SGCD: variants seen among roughly 807,000 people sequenced by gnomAD.
SGCD encodes delta-sarcoglycan.
SGCD carries 18 observed loss-of-function variants against 36.6 expected under a neutral mutation model. The observed-to-expected ratio is 0.49, with a 90% CI of 0.34 to 0.73. The LOEUF (loss-of-function observed/expected upper bound fraction) is 0.73. Among genes scored for constraint, SGCD ranks in the 30% least tolerant of loss-of-function variants. The probability of loss-of-function intolerance (pLI) is 0.01; values close to 1 mark genes in which losing one functional copy is unlikely to be tolerated. For missense variants in SGCD, 387 were observed against 346.7 expected, an observed-to-expected ratio of 1.12 and a Z score of -0.92; for synonymous variants, 133 against 130.6, an observed-to-expected ratio of 1.02 and a Z score of -0.12.
chr5:156,371,381 A>G (rs550963410), intron 3 of SGCD, among the ~76,000 whole-genome samples: 114 of 152,332 alleles, frequency 7.5e-4, no homozygotes, highest in Middle Eastern at 6.8e-3. Flanking sequence ...TTGATGAAGG[A>G]AACTCTGGGA....
chr5:156,471,593 A>G (rs1302205347), intron 3 of SGCD, among the ~76,000 whole-genome samples: 2 of 152,150 alleles, frequency 1.3e-5, no homozygotes, highest in African/African-American at 2.4e-5. Flanking sequence ...TAGGAAAAAG[A>G]AATTTATTTT....
chr5:155,733,638 T>TC, the SGCD span, among the ~76,000 whole-genome samples: 3 of 151,996 alleles, frequency 2.0e-5, no homozygotes, highest in Admixed American at 2.0e-4. Flanking sequence ...GGACACTTTT[T>TC]TTTTTTTGCC....
At chr5:155,846,446 T>C in the SGCD span, among the ~76,000 whole-genome samples, 1 of 152,216 alleles carries the variant, frequency 6.6e-6, no homozygotes, top group South Asian at 2.1e-4. Flanking sequence ...TGTTTGCTGA[T>C]GTGAACAGAT....
chr5:155,842,602 G>T, the SGCD span, among the ~76,000 whole-genome samples: 1 of 151,550 alleles, frequency 6.6e-6, no homozygotes, highest in Admixed American at 6.6e-5. Context: ...CTAAAATAAA[G>T]TTACTTTGAG....
At chr5:156,146,264 A>G (rs1350789719) in intron 3 of SGCD, among the ~76,000 whole-genome samples, 3 of 152,198 alleles carry the variant, frequency 2.0e-5, no homozygotes, top group Non-Finnish European at 4.4e-5. Context: ...AGGTTATGAC[A>G]TTGCATTCAA....
At chr5:155,755,939 C>G in the SGCD span, among the ~76,000 whole-genome samples, 1 of 152,136 alleles carries the variant, frequency 6.6e-6, no homozygotes, top group Non-Finnish European at 1.5e-5. Flanking sequence ...GAAAAGAAAT[C>G]AATAGAACTT....
At chr5:155,776,578 C>T in the SGCD span, among the ~76,000 whole-genome samples, 2 of 152,146 alleles carry the variant, frequency 1.3e-5, no homozygotes, top group Non-Finnish European at 2.9e-5. Flanking sequence ...TTAACCCTTA[C>T]TAGCTGAGTA....
chr5:155,865,628 G>T (rs1001340902), upstream of SGCD, among the ~76,000 whole-genome samples: 2 of 152,084 alleles, frequency 1.3e-5, no homozygotes, highest in African/African-American at 4.8e-5. Flanking sequence ...CTATGCTTAA[G>T]GTTGTAACAT....
At chr5:156,654,649 C>G (rs1763603924) in intron 7 of SGCD, among the ~76,000 whole-genome samples, 1 of 151,968 alleles carries the variant, frequency 6.6e-6, no homozygotes, top group Non-Finnish European at 1.5e-5. Flanking sequence ...TCCTAATATC[C>G]CTATGTGGCC....
At chr5:156,426,547 G>A (rs1773679056) in intron 3 of SGCD, among the ~76,000 whole-genome samples, 1 of 152,090 alleles carries the variant, frequency 6.6e-6, no homozygotes, top group South Asian at 2.1e-4. Context: ...CTTTTGCTGT[G>A]CAGAAGCTTT....
At chr5:156,667,099 T>C (rs1753077417) in intron 7 of SGCD, among the ~76,000 whole-genome samples, 1 of 152,202 alleles carries the variant, frequency 6.6e-6, no homozygotes, top group Non-Finnish European at 1.5e-5. Flanking sequence ...ATTTCAAATT[T>C]CAGATTTTCA....
At chr5:156,517,629 G>C (rs1757232835) in intron 4 of SGCD, among the ~76,000 whole-genome samples, 2 of 152,152 alleles carry the variant, frequency 1.3e-5, no homozygotes, top group Admixed American at 1.3e-4. Context: ...AAGCCCATCA[G>C]ACTAACAGCA....
chr5:155,929,366 A>G lies in SGCD; in HGVS notation c.-282+58942A>G, dbSNP rs548335164. Among the ~76,000 whole-genome samples, 5 of 152,330 alleles carry G rather than the reference A, an allele frequency of 3.3e-5. No homozygotes were observed. In the South Asian group the frequency reaches 8.3e-4, roughly 25 times the overall value. On this transcript the variant is annotated intron_variant, in intron 1 of 9. Transcript: ENST00000517913. ...TGCTTTTGTGCAAACTCAATTATTC[A>G]GAAAAGAGAATTTAAAAGATTCTTT...
intron 3 of SGCD, among the ~76,000 whole-genome samples, chr5:156,172,037 C>T (rs1763357807): frequency 6.6e-6 from 1 of 152,166 alleles, no homozygotes; most frequent in East Asian, 1.9e-4. Context: ...AATCCCAGCA[C>T]TTTGGGAGGC....
chr5:156,534,820 G>A (rs112585002), intron 4 of SGCD, among the ~76,000 whole-genome samples: 3 of 152,222 alleles, frequency 2.0e-5, no homozygotes, highest in African/African-American at 7.2e-5. Context: ...CATATACAGG[G>A]TGCCTACAAC....
At chr5:156,686,496 C>T (rs147786332) in intron 7 of SGCD, among the ~76,000 whole-genome samples, 2 of 152,286 alleles carry the variant, frequency 1.3e-5, no homozygotes, top group East Asian at 3.9e-4. Context: ...CAGTAGAACC[C>T]TGATGGATAG....
At position 156,101,293 on chromosome 5, in the gene SGCD, C is replaced by T. The variant is rs1020680171; in HGVS notation, c.-281-16585C>T. 4.6e-5 allele frequency among the ~76,000 whole-genome samples: 7 copies of T among 152,280 alleles called. No homozygotes were observed. In the South Asian group the frequency reaches 6.2e-4, roughly 14 times the overall value. ...AAGAGCAGACAGTGGGCTGGCCTGG[C>T]GAAGCTTCATCTCCAGCTAATCAAT... On this transcript the variant is annotated intron_variant, in intron 1 of 9. Transcript: ENST00000517913.
chr5:156,301,071 C>A (rs1767040743), intron 3 of SGCD, among the ~76,000 whole-genome samples: 1 of 151,874 alleles, frequency 6.6e-6, no homozygotes, highest in Non-Finnish European at 1.5e-5. Flanking sequence ...ATTGGACAGT[C>A]TATTCCATTT....
intron 7 of SGCD, among the ~76,000 whole-genome samples, chr5:156,746,023 TAA>T (rs796419875): frequency 1.5e-5 from 2 of 133,216 alleles, no homozygotes; most frequent in Non-Finnish European, 1.6e-5. Flanking sequence ...GTTTAAAGGG[TAA>T]AAAAAAAAAA....
Sources: allele counts gnomAD v4.1 joint callset (sites outside exome capture counted in the v4.1 genomes callset), GRCh38; gene constraint gnomAD v4.1.1; transcripts MANE v1.5; gene names NCBI Gene and HGNC (gene_info 2026-07-23, HGNC 2026-07-21).